ZNF618: variants seen among roughly 807,000 people sequenced by gnomAD.
ZNF618 encodes neural precursor cell expressed, developmentally down-regulated 10.
A neutral mutation model predicts 103.0 loss-of-function variants in ZNF618; 34 were observed. That is an observed-to-expected ratio of 0.33 (90% confidence interval 0.25 to 0.44). The LOEUF (loss-of-function observed/expected upper bound fraction) is 0.44. ZNF618 is among the 20% of genes least tolerant of loss of function. The pLI is 1.00. For missense variants in ZNF618, 1,059 were observed against 1,295.4 expected, an observed-to-expected ratio of 0.82 and a Z score of 2.80; for synonymous variants, 551 against 542.2, an observed-to-expected ratio of 1.02 and a Z score of -0.23.
At chr9:113,915,992 T>C (rs1273798499) in intron 1 of ZNF618, among the ~76,000 whole-genome samples, 1 of 152,188 alleles carries the variant, frequency 6.6e-6, no homozygotes, top group African/African-American at 2.4e-5. Flanking sequence ...CATTTATCTT[T>C]ATGGCAGCAG....
intron 1 of ZNF618, among the ~76,000 whole-genome samples, chr9:113,926,085 GT>G (rs1833061513): frequency 6.7e-6 from 1 of 149,230 alleles, no homozygotes; most frequent in African/African-American, 2.5e-5. Flanking sequence ...CTCAAATTTT[GT>G]TTTTTGTTAT....
At chr9:114,034,538 C>T (rs1225579704) in intron 12 of ZNF618, among the ~76,000 whole-genome samples, 1 of 152,248 alleles carries the variant, frequency 6.6e-6, no homozygotes, top group East Asian at 1.9e-4. Flanking sequence ...CTCCTTTCCA[C>T]AGCCCCATGG....
intron 1 of ZNF618, among the ~76,000 whole-genome samples, chr9:113,920,877 C>T (rs1393735131): frequency 6.6e-6 from 1 of 152,192 alleles, no homozygotes; most frequent in Non-Finnish European, 1.5e-5. Context: ...TGCCATGTGG[C>T]TAGTTGTAGT....
At chr9:113,926,993 A>G (rs1348701137) in intron 1 of ZNF618, among the ~76,000 whole-genome samples, 2 of 152,240 alleles carry the variant, frequency 1.3e-5, no homozygotes, top group African/African-American at 4.8e-5. Flanking sequence ...AGCCTGGGCA[A>G]CAGAATGAGA....
chr9:113,937,313 G>T (rs949604985), intron 1 of ZNF618, among the ~76,000 whole-genome samples: 4 of 152,084 alleles, frequency 2.6e-5, no homozygotes, highest in African/African-American at 9.7e-5. Context: ...TGAGACAGAA[G>T]TGAAGGCATG....
chr9:113,886,159 G>A (rs1170876056), intron 1 of ZNF618, among the ~76,000 whole-genome samples: 2 of 152,196 alleles, frequency 1.3e-5, no homozygotes, highest in African/African-American at 2.4e-5. Context: ...TCCCTGGCTC[G>A]CAGTTTGCTG....
intron 6 of ZNF618, among the ~76,000 whole-genome samples, chr9:114,005,675 C>A (rs1841682290): frequency 6.6e-6 from 1 of 152,178 alleles, no homozygotes; most frequent in Admixed American, 6.5e-5. Flanking sequence ...TGTTCCTGGG[C>A]AGGTGTCCTG....
intron 2 of ZNF618, among the ~76,000 whole-genome samples, chr9:113,979,212 G>A (rs1256732429): frequency 6.6e-6 from 1 of 152,146 alleles, no homozygotes; most frequent in Non-Finnish European, 1.5e-5. Flanking sequence ...TTCCAGAACC[G>A]CTGGTGGGAG....
At chr9:113,967,126 A>C (rs1564230764) in intron 1 of ZNF618, among the ~76,000 whole-genome samples, 1 of 152,240 alleles carries the variant, frequency 6.6e-6, no homozygotes, top group East Asian at 1.9e-4. Context: ...CAAGCTAAAA[A>C]TACACGCACA....
intron 10 of ZNF618, among the ~76,000 whole-genome samples, chr9:114,022,425 T>C (rs949484503): frequency 2.0e-5 from 3 of 152,032 alleles, no homozygotes; most frequent in African/African-American, 7.2e-5. Context: ...TTTAGAAATA[T>C]ATTCCATTTC....
intron 1 of ZNF618, among the ~76,000 whole-genome samples, chr9:113,884,829 C>T (rs1488294950): frequency 6.6e-6 from 1 of 150,564 alleles, no homozygotes; most frequent in Non-Finnish European, 1.5e-5. Context: ...AAACTGAGGC[C>T]TTGGGAAGAA....
chr9:113,949,560 A>G (rs1021582786), intron 1 of ZNF618, among the ~76,000 whole-genome samples: 1 of 151,934 alleles, frequency 6.6e-6, no homozygotes, highest in African/African-American at 2.4e-5. Flanking sequence ...CCTGGAGGAG[A>G]ATGTTCCTCT....
At chr9:114,003,936 T>C (rs2133712134) in intron 6 of ZNF618, among the ~76,000 whole-genome samples, 1 of 152,298 alleles carries the variant, frequency 6.6e-6, no homozygotes, top group African/African-American at 2.4e-5. Context: ...ACAGAGATAA[T>C]ATGTAAATGA....
At chr9:114,017,316 C>T (rs934420723) in intron 10 of ZNF618, among the ~76,000 whole-genome samples, 15 of 152,102 alleles carry the variant, frequency 9.9e-5, no homozygotes, top group Non-Finnish European at 2.1e-4. Flanking sequence ...GAGTCCCAGG[C>T]CTGCTTGTGA....
At chr9:113,876,491 T>C in intron 1 of ZNF618, 78 bp downstream of exon 1, 2 of 1,083,082 alleles carry the variant, frequency 1.8e-6, no homozygotes, top group Non-Finnish European at 1.2e-6. Context: ...GCCACTTCAT[T>C]GCAAGATTTG....
intron 3 of ZNF618, among the ~76,000 whole-genome samples, chr9:113,992,262 C>A (rs1177401918): frequency 6.6e-6 from 1 of 152,082 alleles, no homozygotes; most frequent in African/African-American, 2.4e-5. Context: ...GTACCCATGA[C>A]CTCCTTATTT....
intron 13 of ZNF618, among the ~76,000 whole-genome samples, chr9:114,037,095 C>G (rs189771108): frequency 6.6e-6 from 1 of 152,130 alleles, no homozygotes; most frequent in Non-Finnish European, 1.5e-5. Context: ...CATTTCACCA[C>G]GGCATAACAC....
intron 1 of ZNF618, among the ~76,000 whole-genome samples, chr9:113,902,134 G>A (rs923886392): frequency 6.6e-6 from 1 of 152,050 alleles, no homozygotes; most frequent in East Asian, 1.9e-4. Flanking sequence ...TGCAGACACC[G>A]GAGTTCGCCA....
intron 11 of ZNF618, among the ~76,000 whole-genome samples, chr9:114,031,460 A>G (rs921467612): frequency 6.6e-6 from 1 of 152,218 alleles, no homozygotes; most frequent in East Asian, 1.9e-4. Context: ...GTCTGCAGGC[A>G]CTGCCTCTGG....
Sources: gnomAD v4.1 joint callset for allele counts (sites outside exome capture counted in the v4.1 genomes callset) on GRCh38, gnomAD v4.1.1 for gene constraint, MANE v1.5 for transcripts, NCBI Gene and HGNC (gene_info 2026-07-23, HGNC 2026-07-21) for gene names.